The following RALYL variants were observed in gnomAD, a reference collection of about 807,000 sequenced individuals.
RALYL encodes RALY RNA binding protein like.
In RALYL, 29 loss-of-function variants were observed where a neutral mutation model predicts 35.1. The ratio of observed to expected loss-of-function variants is 0.83; its 90% CI spans 0.61 to 1.13. The LOEUF (loss-of-function observed/expected upper bound fraction) is 1.13. Ranked by LOEUF, RALYL falls within the 50% of genes most tolerant of loss-of-function variation. The probability of loss-of-function intolerance (pLI) is 0.00; values close to 1 mark genes in which losing one functional copy is unlikely to be tolerated. For missense variants in RALYL, 359 were observed against 360.4 expected (o/e 1.00, Z 0.03); for synonymous variants, 120 against 127.6 (o/e 0.94, Z 0.40).
chr8:84,333,484 A>G (rs73293094), intron 1 of RALYL, among the ~76,000 whole-genome samples: 7,235 of 152,226 alleles, frequency 0.048, 267 homozygotes, highest in African/African-American at 0.083. Flanking sequence ...TATTAGATAA[A>G]ACTCTGATAC....
chr8:84,555,955 T>A (rs1176765273), intron 2 of RALYL, among the ~76,000 whole-genome samples: 1 of 152,190 alleles, frequency 6.6e-6, no homozygotes, highest in Non-Finnish European at 1.5e-5. Flanking sequence ...AATAGAGTCA[T>A]AAACATTAGA....
chr8:84,291,261 A>G (rs185919688), intron 1 of RALYL, among the ~76,000 whole-genome samples: 73 of 152,310 alleles, frequency 4.8e-4, no homozygotes, highest in African/African-American at 1.6e-3. Context: ...AAGAAGCACT[A>G]TTGGCTGAAA....
At chr8:84,830,555 G>A (rs563822920) in intron 4 of RALYL, among the ~76,000 whole-genome samples, 2 of 152,236 alleles carry the variant, frequency 1.3e-5, no homozygotes, top group East Asian at 3.9e-4. Flanking sequence ...CATTATAAGT[G>A]CCAAGTAAAC....
rs548732510 is a variant in RALYL at position 84,437,805 on chromosome 8, C to T, written c.-23-91494C>T. 1.1e-3 allele frequency among the ~76,000 whole-genome samples: 172 copies of T among 152,170 alleles called. 3 individuals are homozygous for T. The highest frequency in any genetic ancestry group is 3.9e-3 in the African/African-American group (163 of 41,522). On this transcript the variant is annotated intron_variant, in intron 1 of 8. Transcript: ENST00000521268. ...CTTCTCCTTCCCCCTTTCTTTCTCT[C>T]GCTTGCACCTGCTTTCATCATGTGA...
chr8:84,239,609 G>A lies in RALYL; in HGVS notation c.-24+55185G>A, dbSNP rs189167924. Among the ~76,000 whole-genome samples the A allele has an allele frequency of 3.5e-3, 536 of 152,148 alleles. 3 individuals are homozygous for A. Among genetic ancestry groups the A allele is most frequent in the Non-Finnish European group, 6.3e-3 (427 of 67,994 alleles). On this transcript the variant is annotated intron_variant, in intron 1 of 8. Coordinates refer to ENST00000521268, the MANE Select transcript of RALYL (RefSeq NM_173848.7). The stretch of plus-strand genomic sequence containing the variant: ...GGTTTACATTAAGACAGCGTGGCTC[G>A]GTGGGGCGTGGTGGCTCACGCCTGT...
chr8:84,238,763 A>C (rs1177005890), intron 1 of RALYL, among the ~76,000 whole-genome samples: 3 of 152,148 alleles, frequency 2.0e-5, no homozygotes, highest in Non-Finnish European at 2.9e-5. Flanking sequence ...GCTTAGTAGG[A>C]GTCAGCACAT....
intron 2 of RALYL, among the ~76,000 whole-genome samples, chr8:84,761,600 A>G (rs1812721327): frequency 6.6e-6 from 1 of 152,140 alleles, no homozygotes; most frequent in African/African-American, 2.4e-5. Context: ...TCCTAACTAG[A>G]ACCTTGTTCA....
At chr8:84,666,434 A>G (rs1342690485) in intron 2 of RALYL, among the ~76,000 whole-genome samples, 1 of 152,074 alleles carries the variant, frequency 6.6e-6, no homozygotes, top group African/African-American at 2.4e-5. Flanking sequence ...ATCTGCAGGT[A>G]TAACAAAGAA....
intron 6 of RALYL, chr8:84,872,658 G>A (rs1213056398): frequency 3.9e-5 from 6 of 152,114 alleles, no homozygotes; most frequent in Non-Finnish European, 7.4e-5. Flanking sequence ...GAAATTATCA[G>A]TGAGAACTTC....
intron 1 of RALYL, among the ~76,000 whole-genome samples, chr8:84,261,174 G>T (rs1385317330): frequency 6.6e-6 from 1 of 150,886 alleles, no homozygotes; most frequent in African/African-American, 2.4e-5. Context: ...TAATTTTTAA[G>T]ATTCCTTTAA....
chr8:84,574,263 A>G (rs1261660968), intron 2 of RALYL, among the ~76,000 whole-genome samples: 1 of 152,090 alleles, frequency 6.6e-6, no homozygotes, highest in East Asian at 1.9e-4. Context: ...AAGTCTTATC[A>G]GAACCGATAT....
chr8:84,838,102 G>A (rs892152568), intron 4 of RALYL, among the ~76,000 whole-genome samples: 6 of 152,224 alleles, frequency 3.9e-5, no homozygotes, highest in African/African-American at 1.4e-4. Flanking sequence ...CTCAGTTTAT[G>A]AGGGAGAAAA....
intron 4 of RALYL, among the ~76,000 whole-genome samples, chr8:84,816,847 C>T (rs1012805595): frequency 2.6e-5 from 4 of 151,912 alleles, no homozygotes; most frequent in African/African-American, 7.3e-5. Flanking sequence ...TTACACATTG[C>T]GTACCTGTGT....
intron 2 of RALYL, among the ~76,000 whole-genome samples, chr8:84,682,259 T>A (rs1835709964): frequency 2.6e-5 from 4 of 152,198 alleles, no homozygotes; most frequent in Admixed American, 2.6e-4. Context: ...GTATTGAGGA[T>A]TTTTGCATCA....
intron 2 of RALYL, among the ~76,000 whole-genome samples, chr8:84,676,764 A>G (rs1369805890): frequency 6.6e-6 from 1 of 152,070 alleles, no homozygotes; most frequent in Non-Finnish European, 1.5e-5. Flanking sequence ...TCCTTTCAAA[A>G]TATTTTTTAT....
intron 2 of RALYL, among the ~76,000 whole-genome samples, chr8:84,633,318 T>C (rs1824327628): frequency 6.6e-6 from 1 of 151,780 alleles, no homozygotes; most frequent in Non-Finnish European, 1.5e-5. Context: ...GAGATAACTA[T>C]TTATCACATC....
chr8:84,464,488 G>T (rs1266268571), intron 1 of RALYL, among the ~76,000 whole-genome samples: 1 of 150,876 alleles, frequency 6.6e-6, no homozygotes, highest in Non-Finnish European at 1.5e-5. Flanking sequence ...TTTTATGGCT[G>T]CATAGTATTC....
chr8:84,395,389 G>A (rs1249880721), intron 1 of RALYL, among the ~76,000 whole-genome samples: 1 of 151,802 alleles, frequency 6.6e-6, no homozygotes, highest in Non-Finnish European at 1.5e-5. Context: ...GAATTTTTGA[G>A]TGAAGTTGTT....
intron 2 of RALYL, among the ~76,000 whole-genome samples, chr8:84,668,329 G>T (rs1354491008): frequency 6.6e-6 from 1 of 152,152 alleles, no homozygotes; most frequent in Non-Finnish European, 1.5e-5. Flanking sequence ...GAGTGAAAAA[G>T]AGAAGCAGTC....
Sources: gnomAD v4.1 joint callset for allele counts (sites outside exome capture counted in the v4.1 genomes callset) on GRCh38, gnomAD v4.1.1 for gene constraint, MANE v1.5 for transcripts, NCBI Gene and HGNC (gene_info 2026-07-23, HGNC 2026-07-21) for gene names.